NCAM2: variants seen among roughly 807,000 people sequenced by gnomAD.
NCAM2 encodes the protein neural cell adhesion molecule 2.
NCAM2 carries 30 observed loss-of-function variants against 98.1 expected under a neutral mutation model. The ratio of observed to expected loss-of-function variants is 0.31; its 90% CI spans 0.23 to 0.41. The LOEUF is 0.41. NCAM2 is among the 10% of genes least tolerant of loss of function. NCAM2 has a pLI of 1.00. For missense variants in NCAM2, 867 were observed against 1,005.8 expected (o/e 0.86, Z 1.87); for synonymous variants, 368 against 342.4 (o/e 1.07, Z -0.83).
chr21:21,265,200 G>T (rs1371790696), intron 1 of NCAM2, among the ~76,000 whole-genome samples: 2 of 119,822 alleles, frequency 1.7e-5, no homozygotes, highest in African/African-American at 3.1e-5. Flanking sequence ...ATGTGTGTAT[G>T]TATGTGTGTA....
intron 1 of NCAM2, among the ~76,000 whole-genome samples, chr21:21,136,640 T>TTTTG (rs10631346): frequency 0.03 from 4,364 of 147,688 alleles, 58 homozygotes; most frequent in Admixed American, 0.045. Context: ...GTTTTTTTTT[T>TTTTG]TATTTTTAGT....
chr21:21,162,579 A>C (rs1462524460), intron 1 of NCAM2, among the ~76,000 whole-genome samples: 1 of 152,136 alleles, frequency 6.6e-6, no homozygotes, highest in Non-Finnish European at 1.5e-5. Context: ...TATGAAAAAG[A>C]AAGGTCCTCT....
At chr21:21,121,539 G>C (rs1289804171) in intron 1 of NCAM2, among the ~76,000 whole-genome samples, 1 of 152,100 alleles carries the variant, frequency 6.6e-6, no homozygotes, top group Non-Finnish European at 1.5e-5. Flanking sequence ...AAGCTATAAG[G>C]GTTTATTCTT....
intron 12 of NCAM2, among the ~76,000 whole-genome samples, chr21:21,437,633 A>G (rs1370217514): frequency 2.0e-5 from 3 of 152,224 alleles, no homozygotes; most frequent in Admixed American, 6.5e-5. Flanking sequence ...CTTGTACATC[A>G]GAGACCCATG....
chr21:21,033,863 A>G (rs2064741880), intron 1 of NCAM2, among the ~76,000 whole-genome samples: 1 of 152,162 alleles, frequency 6.6e-6, no homozygotes. Flanking sequence ...GCTTTTCTGA[A>G]CTATCCCCAT....
At chr21:21,120,837 G>C (rs1253915050) in intron 1 of NCAM2, among the ~76,000 whole-genome samples, 1 of 151,066 alleles carries the variant, frequency 6.6e-6, no homozygotes, top group East Asian at 2.0e-4. Context: ...TCCTGCCTCA[G>C]CCTCCCGAGT....
At chr21:21,492,408 A>G (rs1986915758) in intron 15 of NCAM2, among the ~76,000 whole-genome samples, 1 of 151,886 alleles carries the variant, frequency 6.6e-6, no homozygotes, top group African/African-American at 2.4e-5. Context: ...TCATCCATTA[A>G]TCACAGTATT....
intron 15 of NCAM2, among the ~76,000 whole-genome samples, chr21:21,497,401 A>G (rs1296715141): frequency 6.6e-6 from 1 of 152,044 alleles, no homozygotes; most frequent in Non-Finnish European, 1.5e-5. Flanking sequence ...CCATTCCTAT[A>G]ATCTACTTGT....
chr21:21,519,383 G>T (rs759012808), intron 16 of NCAM2, among the ~76,000 whole-genome samples: 1 of 152,134 alleles, frequency 6.6e-6, no homozygotes, highest in Non-Finnish European at 1.5e-5. Flanking sequence ...GCCCAAGGCA[G>T]TGGTATTACA....
chr21:21,476,143 C>T (rs1985139669), intron 14 of NCAM2, among the ~76,000 whole-genome samples: 1 of 152,006 alleles, frequency 6.6e-6, no homozygotes, highest in Non-Finnish European at 1.5e-5. Context: ...TAGAGTAATA[C>T]AGGGCTGAGC....
At chr21:21,372,883 A>G (rs1466145637) in intron 8 of NCAM2, among the ~76,000 whole-genome samples, 1 of 151,906 alleles carries the variant, frequency 6.6e-6, no homozygotes, top group East Asian at 1.9e-4. Flanking sequence ...TATAACAGGT[A>G]ATTACAAGAG....
intron 12 of NCAM2, among the ~76,000 whole-genome samples, chr21:21,440,564 C>T (rs1979088923): frequency 6.6e-6 from 1 of 151,884 alleles, no homozygotes; most frequent in Non-Finnish European, 1.5e-5. Flanking sequence ...GCCTGTGGTC[C>T]CAGCTACTCT....
At chr21:21,247,970 C>G (rs1209599591) in intron 1 of NCAM2, among the ~76,000 whole-genome samples, 1 of 151,370 alleles carries the variant, frequency 6.6e-6, no homozygotes, top group African/African-American at 2.4e-5. Flanking sequence ...CTTTAAATTC[C>G]TGTAGTTGGG....
rs61585220 is a variant in NCAM2 at position 21,387,187 on chromosome 21, T to TACACACACACAC, written c.1195+13200_1195+13211dup. ...CCTTTACTTGGTGCGCACACACACATACACACACACACACACACACACACA... is the reference window on the plus strand; with the variant it reads ...CCTTTACTTGGTGCGCACACACACATACACACACACACACACACACACACACACACACACACA... On this transcript the variant is annotated intron_variant, in intron 9 of 17. Coordinates refer to ENST00000400546, the MANE Select transcript of NCAM2 (RefSeq NM_004540.5). Among the ~76,000 whole-genome samples, 561 of 121,294 alleles carry TACACACACACAC rather than the reference T, an allele frequency of 4.6e-3. 2 individuals are homozygous for TACACACACACAC. Among genetic ancestry groups the TACACACACACAC allele is most frequent in the African/African-American group, 0.012 (427 of 35,188 alleles). 79.6% of individuals were successfully genotyped at this position (121,294 alleles called of 152,430 possible). A position where few individuals can be genotyped will look rare whatever the true frequency, so the allele number is the denominator to read the frequency against.
intron 15 of NCAM2, among the ~76,000 whole-genome samples, chr21:21,505,236 T>TAG (rs1163627107): frequency 6.6e-6 from 1 of 151,822 alleles, no homozygotes. Flanking sequence ...TAAAAAAGAG[T>TAG]AGGATCTTAA....
At chr21:21,030,034 A>G (rs1217206196) in intron 1 of NCAM2, among the ~76,000 whole-genome samples, 1 of 152,142 alleles carries the variant, frequency 6.6e-6, no homozygotes, top group Admixed American at 6.5e-5. Context: ...CATTCTTATA[A>G]TTATTCATGG....
chr21:21,348,474 G>T (rs935648896), intron 8 of NCAM2, among the ~76,000 whole-genome samples: 1 of 151,880 alleles, frequency 6.6e-6, no homozygotes, highest in Non-Finnish European at 1.5e-5. Context: ...GAAAAATATT[G>T]TATGTTCATG....
At chr21:21,201,140 C>A (rs2069204695) in intron 1 of NCAM2, among the ~76,000 whole-genome samples, 1 of 152,108 alleles carries the variant, frequency 6.6e-6, no homozygotes, top group Non-Finnish European at 1.5e-5. Flanking sequence ...AAACAACTTT[C>A]CCATTTTCAT....
At chr21:21,032,379 T>C (rs2064703889) in intron 1 of NCAM2, among the ~76,000 whole-genome samples, 1 of 152,200 alleles carries the variant, frequency 6.6e-6, no homozygotes, top group Non-Finnish European at 1.5e-5. Flanking sequence ...ATCATGAGAT[T>C]TCCCTTATAA....
Sources: allele counts gnomAD v4.1 joint callset (sites outside exome capture counted in the v4.1 genomes callset), GRCh38; gene constraint gnomAD v4.1.1; transcripts MANE v1.5; gene names NCBI Gene and HGNC (gene_info 2026-07-23, HGNC 2026-07-21).